EHBP1: variants seen among roughly 807,000 people sequenced by gnomAD.
EHBP1 encodes EH domain binding protein 1, also known as EH domain-binding protein 1.
Under a neutral mutation model 144.0 loss-of-function variants are expected in EHBP1, and 55 were observed. The ratio of observed to expected loss-of-function variants is 0.38; its 90% CI spans 0.31 to 0.48. EHBP1 has a LOEUF of 0.48. Among genes scored for constraint, EHBP1 ranks in the 20% least tolerant of loss-of-function variants. The pLI, the probability that EHBP1 is intolerant of heterozygous loss-of-function variation, is 0.98. For synonymous variants in EHBP1, 469 were observed against 472.7 expected (o/e 0.99, Z 0.10); for missense variants, 1,200 against 1,364.2 (o/e 0.88, Z 1.90).
chr2:62,844,200 A>G (rs191017124), intron 7 of EHBP1, among the ~76,000 whole-genome samples: 6 of 152,182 alleles, frequency 3.9e-5, no homozygotes, highest in Admixed American at 2.6e-4. Context: ...TTGACAAAAC[A>G]TATCCTCCAA....
At chr2:62,973,772 C>T (rs747054719) in intron 14 of EHBP1, among the ~76,000 whole-genome samples, 8 of 151,940 alleles carry the variant, frequency 5.3e-5, no homozygotes, top group Middle Eastern at 3.2e-3. Context: ...GGCCAAGGTG[C>T]GTGGATCACT....
chr2:62,890,229 C>G (rs1462698903), intron 10 of EHBP1, among the ~76,000 whole-genome samples: 1 of 152,052 alleles, frequency 6.6e-6, no homozygotes, highest in Non-Finnish European at 1.5e-5. Flanking sequence ...AGCCACCACG[C>G]CTAGCCCCAT....
intron 10 of EHBP1, among the ~76,000 whole-genome samples, chr2:62,921,801 T>C (rs75139378): frequency 9.7e-4 from 147 of 152,316 alleles, no homozygotes; most frequent in African/African-American, 3.4e-3. Flanking sequence ...ACCCATAACA[T>C]AAATAGTCAA....
Position 62,948,774 on chromosome 2 carries a change from C to T in EHBP1, c.1928C>T (p.Thr643Ile). 6.2e-7 allele frequency: 1 copy of T among 1,614,078 alleles called. No individual in the cohort carries two copies. Among genetic ancestry groups the T allele is most frequent in the South Asian group, 1.1e-5 (1 of 91,084 alleles). The change falls in exon 13 of 23, where the codon ACC becomes ATC. Residue 643 changes from threonine to isoleucine, a missense_variant. Thr to Ile is a moderately conservative substitution (Grantham distance 89). Around this residue, in one of 6 missense-constraint regions of EHBP1, gnomAD observed 543 missense variants for 513.1 expected, o/e 1.06. Coordinates refer to ENST00000431489, the MANE Select transcript of EHBP1 (RefSeq NM_001142616.3). ...GGAATATGTTCCAATACAGATTCAA[C>T]CCAAGCACAGGTTTTGTTAGGCAAA... ...DPGICSNTDS[T>I]QAQVLLGKKR...
At chr2:63,022,896 G>A (rs1228444089) in intron 19 of EHBP1, among the ~76,000 whole-genome samples, 3 of 152,022 alleles carry the variant, frequency 2.0e-5, no homozygotes, top group Non-Finnish European at 4.4e-5. Context: ...ATTAGAGGCC[G>A]GGCACAGTGG....
At chr2:62,758,534 T>C (rs1163412024) in intron 3 of EHBP1, among the ~76,000 whole-genome samples, 1 of 152,218 alleles carries the variant, frequency 6.6e-6, no homozygotes, top group East Asian at 1.9e-4. Flanking sequence ...AATTGATTTG[T>C]ATATGCTTAA....
At chr2:63,007,997 G>A (rs1160809051) in intron 19 of EHBP1, among the ~76,000 whole-genome samples, 3 of 151,804 alleles carry the variant, frequency 2.0e-5, no homozygotes, top group East Asian at 1.9e-4. Context: ...TCTTAGGCTT[G>A]GTGTGAGCCT....
chr2:62,778,541 CAAAA>C (rs955575672), intron 5 of EHBP1, among the ~76,000 whole-genome samples: 2 of 81,482 alleles, frequency 2.5e-5, no homozygotes, highest in Non-Finnish European at 2.5e-5. Flanking sequence ...GAGACCCTGT[CAAAA>C]AAAAAAAAAA....
chr2:62,852,786 T>C (rs977631784), intron 7 of EHBP1, among the ~76,000 whole-genome samples: 9 of 152,154 alleles, frequency 5.9e-5, no homozygotes, highest in African/African-American at 1.7e-4. Context: ...AAAATTACAG[T>C]GACTGCAAGA....
At chr2:62,890,140 T>C (rs576495336) in intron 10 of EHBP1, among the ~76,000 whole-genome samples, 28 of 152,168 alleles carry the variant, frequency 1.8e-4, no homozygotes, top group African/African-American at 6.5e-4. Flanking sequence ...TTTGTATTTT[T>C]AGTAGAGACT....
chr2:63,017,392 G>C (rs972640174), intron 19 of EHBP1, among the ~76,000 whole-genome samples: 7 of 152,208 alleles, frequency 4.6e-5, no homozygotes, highest in Admixed American at 4.6e-4. Context: ...ACTGAATGTA[G>C]AACCTTAACC....
chr2:62,747,675 G>T (rs1224800835), intron 3 of EHBP1, among the ~76,000 whole-genome samples: 2 of 151,848 alleles, frequency 1.3e-5, no homozygotes, highest in Non-Finnish European at 2.9e-5. Flanking sequence ...AATTACTATG[G>T]TTTGAAAAAA....
intron 5 of EHBP1, among the ~76,000 whole-genome samples, chr2:62,778,180 T>A (rs895754148): frequency 6.6e-6 from 1 of 152,050 alleles, no homozygotes; most frequent in African/African-American, 2.4e-5. Context: ...TTTATTGCTG[T>A]TTGTTTGATG....
chr2:62,799,003 CAAAAA>C (rs757731955), intron 5 of EHBP1, among the ~76,000 whole-genome samples: 13 of 76,786 alleles, frequency 1.7e-4, no homozygotes, highest in African/African-American at 3.8e-4. Flanking sequence ...GACTCCGTCT[CAAAAA>C]AAAAAAAAAA....
In EHBP1 at chr2:62,707,263, C is replaced by T. The variant is rs754602388; in HGVS notation, c.72C>T (p.Tyr24=). The change falls in exon 2 of 23, where the codon TAC becomes TAT. Residue 24 remains tyrosine, a synonymous_variant. Transcript: ENST00000431489. ...HASKFQFVAS[Y]QELMVECTKK... ...CCAAGTTCCAGTTTGTGGCCTCCTA[C>T]CAGGAGCTCATGGTTGAGTGTACGA... The T allele has an allele frequency of 4.3e-6, 7 of 1,613,988 alleles. No individual in the cohort carries two copies. The African/African-American group carries it at 9.3e-5, about 22-fold the overall frequency.
chr2:62,931,924 A>T (rs1377613822), intron 10 of EHBP1, among the ~76,000 whole-genome samples: 1 of 152,120 alleles, frequency 6.6e-6, no homozygotes, highest in Non-Finnish European at 1.5e-5. Context: ...CACACCTGTA[A>T]TCCTAGCACT....
At chr2:62,684,443 C>G (rs187461721) in intron 1 of EHBP1, among the ~76,000 whole-genome samples, 125 of 152,132 alleles carry the variant, frequency 8.2e-4, no homozygotes, top group African/African-American at 3.0e-3. Context: ...GTTGAAAAGT[C>G]GGTTCTTCAA....
At chr2:62,773,783 G>C (rs2152377796) in intron 5 of EHBP1, among the ~76,000 whole-genome samples, 1 of 141,056 alleles carries the variant, frequency 7.1e-6, no homozygotes, top group East Asian at 2.2e-4. Context: ...CCAGGGAGAT[G>C]GAGGTTGCAG....
chr2:62,970,107 C>A (rs76588496), intron 14 of EHBP1, among the ~76,000 whole-genome samples: 1 of 120,836 alleles, frequency 8.3e-6, no homozygotes. Flanking sequence ...TTTTTTTTTT[C>A]GGTCCATTCT....
Sources: allele counts gnomAD v4.1 joint callset (sites outside exome capture counted in the v4.1 genomes callset), GRCh38; gene constraint gnomAD v4.1.1; regional missense constraint gnomAD v4.1.1; transcripts MANE v1.5; gene names NCBI Gene and HGNC (gene_info 2026-07-23, HGNC 2026-07-21).